Variants in BNC2 observed in about 807,000 individuals in gnomAD.
BNC2 encodes zinc finger protein basonuclin-2.
A neutral mutation model predicts 76.3 loss-of-function variants in BNC2; 20 were observed. The ratio of observed to expected loss-of-function variants is 0.26; its 90% confidence interval spans 0.18 to 0.38. BNC2 has a LOEUF of 0.38. BNC2 is among the 10% of genes least tolerant of loss of function. The pLI, the probability that BNC2 is intolerant of heterozygous loss-of-function variation, is 1.00. For missense variants in BNC2, 1,382 were observed against 1,399.8 expected, an observed-to-expected ratio of 0.99 and a Z score of 0.20; for synonymous variants, 582 against 514.8, an observed-to-expected ratio of 1.13 and a Z score of -1.77.
chr9:16,659,268 T>C (rs939222417), intron 3 of BNC2, among the ~76,000 whole-genome samples: 1 of 152,198 alleles, frequency 6.6e-6, no homozygotes, highest in Non-Finnish European at 1.5e-5. Context: ...CATCGTGCCC[T>C]TCTGCAATTT....
chr9:16,791,351 G>A (rs1160734022), intron 1 of BNC2, among the ~76,000 whole-genome samples: 4 of 152,102 alleles, frequency 2.6e-5, no homozygotes, highest in Non-Finnish European at 4.4e-5. Context: ...ATGAGCCACC[G>A]CGCCCGGCCA....
intron 1 of BNC2, among the ~76,000 whole-genome samples, chr9:16,835,428 G>A (rs1818683834): frequency 6.6e-6 from 1 of 152,166 alleles, no homozygotes; most frequent in Non-Finnish European, 1.5e-5. Context: ...GCCAGGCATG[G>A]TGGCTCATGC....
At chr9:16,680,247 TTTC>T (rs1822784356) in intron 3 of BNC2, among the ~76,000 whole-genome samples, 1 of 152,146 alleles carries the variant, frequency 6.6e-6, no homozygotes, top group African/African-American at 2.4e-5. Flanking sequence ...GCTTTGTCGT[TTTC>T]TTAATTTTTT....
chr9:16,661,207 G>T (rs1822101829), intron 3 of BNC2, among the ~76,000 whole-genome samples: 1 of 152,122 alleles, frequency 6.6e-6, no homozygotes. Flanking sequence ...TGTATCATCA[G>T]AAGAACAGAT....
chr9:16,482,701 GA>G (rs1822085275), intron 5 of BNC2, among the ~76,000 whole-genome samples: 1 of 152,132 alleles, frequency 6.6e-6, no homozygotes, highest in African/African-American at 2.4e-5. Flanking sequence ...GGGATCACAA[GA>G]AAAGATTCCC....
chr9:16,493,075 A>G (rs1822311283), intron 5 of BNC2, among the ~76,000 whole-genome samples: 1 of 152,210 alleles, frequency 6.6e-6, no homozygotes, highest in Middle Eastern at 3.2e-3. Context: ...AAAATTTCAT[A>G]GAGGAAACTG....
intron 5 of BNC2, among the ~76,000 whole-genome samples, chr9:16,529,149 C>T (rs1177517442): frequency 1.3e-5 from 2 of 152,216 alleles, no homozygotes; most frequent in African/African-American, 2.4e-5. Context: ...CCACAGAGTC[C>T]GAGATTATCT....
intron 1 of BNC2, among the ~76,000 whole-genome samples, chr9:16,770,502 A>G (rs897804298): frequency 6.6e-6 from 1 of 152,200 alleles, no homozygotes; most frequent in African/African-American, 2.4e-5. Flanking sequence ...AAAATGACCC[A>G]TATGAATACT....
In BNC2 at chr9:16,614,701, CT is replaced by C. The variant is rs571838453; in HGVS notation, c.331-31617del. Among the ~76,000 whole-genome samples the C allele has an allele frequency of 3.2e-3, 484 of 151,916 alleles. 2 individuals carry two copies. Among genetic ancestry groups the C allele is most frequent in the African/African-American group, 0.011 (450 of 41,460 alleles). On this transcript the variant is annotated intron_variant, in intron 3 of 6. Transcript: ENST00000380672. ...GTGGCTCATGCCTGTAATTCCAGCA[CT>C]TTGAGAGGCTGAGGCAGGAGGATCC...
intron 3 of BNC2, among the ~76,000 whole-genome samples, chr9:16,602,013 T>A (rs932635429): frequency 6.6e-6 from 1 of 152,190 alleles, no homozygotes; most frequent in African/African-American, 2.4e-5. Flanking sequence ...GCAATCAAGC[T>A]TTGACATAGT....
At chr9:16,799,276 T>C (rs953334032) in intron 1 of BNC2, among the ~76,000 whole-genome samples, 2 of 152,064 alleles carry the variant, frequency 1.3e-5, no homozygotes, top group African/African-American at 2.4e-5. Context: ...CTGAAAAACA[T>C]TGTTTCCTTT....
intron 3 of BNC2, among the ~76,000 whole-genome samples, chr9:16,720,855 G>A (rs770266071): frequency 6.6e-5 from 10 of 152,066 alleles, no homozygotes; most frequent in African/African-American, 2.4e-4. Context: ...TCTGCACTTC[G>A]TGGCATGAAA....
At chr9:16,788,156 G>A (rs1432286674) in intron 1 of BNC2, among the ~76,000 whole-genome samples, 3 of 152,136 alleles carry the variant, frequency 2.0e-5, no homozygotes, top group Admixed American at 6.5e-5. Flanking sequence ...CCAGTTCCAC[G>A]GACCAAGCAA....
At chr9:16,601,619 T>C (rs561598968) in intron 3 of BNC2, among the ~76,000 whole-genome samples, 1 of 152,248 alleles carries the variant, frequency 6.6e-6, no homozygotes. Flanking sequence ...CTCCTGAGCC[T>C]GAAAATGATG....
At position 16,857,442 on chromosome 9, in the gene BNC2, A is replaced by C. The variant is rs1819287236; in HGVS notation, c.3+13204T>G. ...CAGTGAGCCGACATTGTGCCACTGCACACCAGCCTGGGCAACAGAGTGAGA... is the reference window on the plus strand; with the variant it reads ...CAGTGAGCCGACATTGTGCCACTGCCCACCAGCCTGGGCAACAGAGTGAGA... On this transcript the variant is annotated intron_variant, in intron 1 of 6. Transcript: ENST00000380672. Among the ~76,000 whole-genome samples the C allele has an allele frequency of 2.1e-5, 3 of 144,762 alleles. No individual in the cohort carries two copies. In the South Asian group the frequency reaches 6.6e-4, roughly 32 times the overall value. 95.0% of individuals were successfully genotyped at this position (144,762 alleles called of 152,430 possible).
chr9:16,721,812 G>C (rs1309861629), intron 3 of BNC2, among the ~76,000 whole-genome samples: 4 of 151,970 alleles, frequency 2.6e-5, no homozygotes, highest in Non-Finnish European at 5.9e-5. Context: ...CAGCACTCTG[G>C]GGGGAAAAAG....
intron 3 of BNC2, among the ~76,000 whole-genome samples, chr9:16,696,226 C>A (rs2134490897): frequency 6.6e-6 from 1 of 152,322 alleles, no homozygotes; most frequent in East Asian, 1.9e-4. Context: ...AGCTCCCCAC[C>A]AATTACCAAT....
chr9:16,571,765 G>A (rs1244029431), intron 4 of BNC2, among the ~76,000 whole-genome samples: 1 of 151,974 alleles, frequency 6.6e-6, no homozygotes, highest in Non-Finnish European at 1.5e-5. Context: ...TGTGACACCT[G>A]TTTTTGTCTC....
chr9:16,537,504 TC>T lies in BNC2; in HGVS notation c.669+15025del, dbSNP rs1485349662. 5.3e-5 allele frequency among the ~76,000 whole-genome samples: 8 copies of T among 152,110 alleles called. No homozygotes were observed. The East Asian group carries it at 1.5e-3, about 29-fold the overall frequency. On this transcript the variant is annotated intron_variant, in intron 5 of 6. Transcript: ENST00000380672. ...TGAAAATGATCACAAAATATATATA[TC>T]AAAAATGAAAGAAAGAACACTGTAG...
Sources: allele counts gnomAD v4.1 joint callset (sites outside exome capture counted in the v4.1 genomes callset), GRCh38; gene constraint gnomAD v4.1.1; transcripts MANE v1.5; gene names NCBI Gene and HGNC (gene_info 2026-07-23, HGNC 2026-07-21).